PALLD: variants seen among roughly 807,000 people sequenced by gnomAD.
PALLD encodes the protein palladin, cytoskeletal associated protein.
PALLD carries 61 observed loss-of-function variants against 123.5 expected under a neutral mutation model. The observed-to-expected ratio is 0.49, with a 90% CI of 0.40 to 0.61. The LOEUF is 0.61. PALLD is among the 20% of genes least tolerant of loss of function. The pLI is 0.00. For synonymous variants in PALLD, 465 were observed against 496.4 expected (o/e 0.94, Z 0.84); for missense variants, 1,273 against 1,377.0 (o/e 0.92, Z 1.20).
intron 2 of PALLD, among the ~76,000 whole-genome samples, chr4:168,623,418 C>T (rs1050382935): frequency 6.6e-6 from 1 of 152,196 alleles, no homozygotes; most frequent in African/African-American, 2.4e-5. Flanking sequence ...CACTTTAATG[C>T]TCACATAAGC....
chr4:168,600,140 T>G (rs1030030428), intron 2 of PALLD, among the ~76,000 whole-genome samples: 1 of 151,936 alleles, frequency 6.6e-6, no homozygotes, highest in African/African-American at 2.4e-5. Context: ...CACACATATA[T>G]ACATATACAC....
At chr4:168,564,924 G>T (rs1446417646) in intron 2 of PALLD, among the ~76,000 whole-genome samples, 2 of 151,764 alleles carry the variant, frequency 1.3e-5, no homozygotes, top group Non-Finnish European at 2.9e-5. Context: ...GGGTGCAGTG[G>T]CTCATGCCCG....
At chr4:168,806,716 T>C (rs1280053507) in intron 10 of PALLD, among the ~76,000 whole-genome samples, 3 of 152,166 alleles carry the variant, frequency 2.0e-5, no homozygotes, top group Admixed American at 1.3e-4. Flanking sequence ...GTAGATGGTC[T>C]GCCTTCAGCT....
At chr4:168,697,381 G>T (rs1452706150) in intron 8 of PALLD, among the ~76,000 whole-genome samples, 1 of 152,244 alleles carries the variant, frequency 6.6e-6, no homozygotes, top group African/African-American at 2.4e-5. Flanking sequence ...GAGGCAAAGG[G>T]CATCCCCAGG....
intron 10 of PALLD, among the ~76,000 whole-genome samples, chr4:168,794,490 GCACGCACACACACACGCACA>G (rs1464588667): frequency 4.8e-4 from 66 of 136,920 alleles, no homozygotes; most frequent in African/African-American, 1.8e-3. Flanking sequence ...ACACACACAT[GCACGCACACACACACGCACA>G]CACACACACA....
intron 2 of PALLD, among the ~76,000 whole-genome samples, chr4:168,577,369 A>G (rs1416581567): frequency 3.3e-5 from 5 of 152,156 alleles, no homozygotes; most frequent in African/African-American, 1.2e-4. Flanking sequence ...TCAAATATGG[A>G]AATATAGAGT....
chr4:168,751,308 A>G (rs929398345), intron 10 of PALLD, among the ~76,000 whole-genome samples: 2 of 152,192 alleles, frequency 1.3e-5, no homozygotes, highest in Non-Finnish European at 2.9e-5. Flanking sequence ...CACCGTGCCC[A>G]GTCCACATAT....
chr4:168,895,329 C>T (rs1413759195), intron 12 of PALLD, among the ~76,000 whole-genome samples: 2 of 152,194 alleles, frequency 1.3e-5, no homozygotes, highest in African/African-American at 2.4e-5. Flanking sequence ...TTGCAGTGAG[C>T]TGAGGTTGTA....
chr4:168,835,504 C>T (rs2150887018), intron 10 of PALLD, among the ~76,000 whole-genome samples: 1 of 152,190 alleles, frequency 6.6e-6, no homozygotes, highest in African/African-American at 2.4e-5. Context: ...GTTCCAGGGC[C>T]ATACAGAGAG....
chr4:168,762,654 A>T (rs765863798), intron 10 of PALLD, among the ~76,000 whole-genome samples: 2 of 152,220 alleles, frequency 1.3e-5, no homozygotes, highest in Non-Finnish European at 1.5e-5. Context: ...ATACCATTTG[A>T]CCCAGCGATC....
At chr4:168,655,995 T>C (rs541134786) in intron 2 of PALLD, among the ~76,000 whole-genome samples, 36 of 152,312 alleles carry the variant, frequency 2.4e-4, no homozygotes, top group African/African-American at 8.4e-4. Context: ...CTTTAGTCCT[T>C]TGGAGTTTCA....
intron 2 of PALLD, among the ~76,000 whole-genome samples, chr4:168,533,722 A>G (rs1015780567): frequency 1.3e-5 from 2 of 152,244 alleles, no homozygotes; most frequent in African/African-American, 4.8e-5. Flanking sequence ...GCAGACAAGA[A>G]AGAAAAGGAC....
chr4:168,852,248 C>G (rs1260008564), intron 10 of PALLD, among the ~76,000 whole-genome samples: 19 of 152,134 alleles, frequency 1.2e-4, no homozygotes, highest in Non-Finnish European at 1.5e-5. Context: ...TGCCTTCATG[C>G]AGTTAAACAT....
At chr4:168,681,025 A>G (rs1451392286) in intron 3 of PALLD, among the ~76,000 whole-genome samples, 2 of 152,196 alleles carry the variant, frequency 1.3e-5, no homozygotes. Context: ...TCTTTATTTC[A>G]TAGTTTATAG....
At chr4:168,553,345 G>A (rs2319906) in intron 2 of PALLD, among the ~76,000 whole-genome samples, 99,824 of 152,070 alleles carry the variant, frequency 0.66, 33,139 homozygotes, top group East Asian at 0.85. Context: ...AGAGATGGGT[G>A]AAGTTAAAGC....
intron 2 of PALLD, among the ~76,000 whole-genome samples, chr4:168,666,548 A>G (rs2150005354): frequency 6.6e-6 from 1 of 152,336 alleles, no homozygotes; most frequent in South Asian, 2.1e-4. Flanking sequence ...TGGGCACAGA[A>G]AAGTAGGCAG....
chr4:168,850,508 G>C (rs905688247), intron 10 of PALLD, among the ~76,000 whole-genome samples: 30 of 113,470 alleles, frequency 2.6e-4, no homozygotes, highest in African/African-American at 9.2e-4. Context: ...TATATAATTT[G>C]TAAGTCTGTC....
At chr4:168,641,328 C>T (rs754615847) in intron 2 of PALLD, among the ~76,000 whole-genome samples, 4 of 152,026 alleles carry the variant, frequency 2.6e-5, no homozygotes, top group Non-Finnish European at 5.9e-5. Context: ...TTTGAGTAAG[C>T]CTTTGCATGC....
At chr4:168,683,274 C>T (rs1401656928) in intron 5 of PALLD, among the ~76,000 whole-genome samples, 171 bp downstream of exon 5, 1 of 152,178 alleles carries the variant, frequency 6.6e-6, no homozygotes, top group Non-Finnish European at 1.5e-5. Context: ...TTTCAGTTCA[C>T]TAAAAACAAC....
Sources: gnomAD v4.1 joint callset for allele counts (sites outside exome capture counted in the v4.1 genomes callset) on GRCh38, gnomAD v4.1.1 for gene constraint, MANE v1.5 for transcripts, NCBI Gene and HGNC (gene_info 2026-07-23, HGNC 2026-07-21) for gene names.